DNAAF9: variants seen among roughly 807,000 people sequenced by gnomAD.
DNAAF9 encodes the protein dynein axonemal assembly factor 9.
DNAAF9 carries 90 observed loss-of-function variants against 167.0 expected under a neutral mutation model. The observed-to-expected ratio is 0.54, with a 90% CI of 0.45 to 0.64. The LOEUF (loss-of-function observed/expected upper bound fraction) is 0.64. Among genes scored for constraint, DNAAF9 ranks in the 30% least tolerant of loss-of-function variants. The probability of loss-of-function intolerance (pLI) is 0.00; values close to 1 mark genes in which losing one functional copy is unlikely to be tolerated. For missense variants in DNAAF9, 1,315 were observed against 1,442.2 expected (o/e 0.91, Z 1.43); for synonymous variants, 491 against 508.8 (o/e 0.96, Z 0.47).
intron 1 of DNAAF9, among the ~76,000 whole-genome samples, chr20:3,403,135 TC>T (rs2084012050): frequency 6.6e-6 from 1 of 152,070 alleles, no homozygotes; most frequent in Non-Finnish European, 1.5e-5. Context: ...TTCCCCCACT[TC>T]CAATGGTGGT....
chr20:3,332,165 C>A, intron 11 of DNAAF9, 115 bp downstream of exon 11: 1 of 631,504 alleles, frequency 1.6e-6, no homozygotes. Flanking sequence ...TGGAGGCCCA[C>A]AAATTGGGTA....
At chr20:3,389,014 GCT>G (rs1251827076) in intron 1 of DNAAF9, among the ~76,000 whole-genome samples, 40 of 152,240 alleles carry the variant, frequency 2.6e-4, no homozygotes, top group African/African-American at 9.6e-4. Context: ...TGTTGCCTAG[GCT>G]GGAGTGCAAT....
intron 6 of DNAAF9, among the ~76,000 whole-genome samples, chr20:3,370,730 A>T (rs528669093): frequency 1.4e-4 from 21 of 152,040 alleles, no homozygotes; most frequent in African/African-American, 3.9e-4. Context: ...TTTTTTTAAA[A>T]TTTTTTTGTT....
intron 10 of DNAAF9, among the ~76,000 whole-genome samples, chr20:3,333,062 T>C (rs1250279155): frequency 6.6e-6 from 1 of 152,124 alleles, no homozygotes; most frequent in Non-Finnish European, 1.5e-5. Flanking sequence ...TCATTAATAC[T>C]TAGTCCAGAG....
In DNAAF9 at chr20:3,259,997, A is replaced by G. The variant is rs763098856; in HGVS notation, c.2905T>C (p.Tyr969His). ...ACGCAGATCTGAACCATTAGGGGAT[A>G]GACTGATCCAGCATTCAATTTACCT... ...YEGKLNAGSV[Y>H]PLMVQICVWF... The change falls in exon 32 of 37, where the codon TAT becomes CAT. Residue 969 changes from tyrosine (Y) to histidine (H), a missense_variant. This residue lies in a region of DNAAF9 where 334 missense variants were observed against 429.7 expected (regional missense o/e 0.78). Coordinates refer to ENST00000252032, the MANE Select transcript of DNAAF9 (RefSeq NM_001009984.3). The G allele has an allele frequency of 3.1e-6, 5 of 1,611,702 alleles. No individual in the cohort carries two copies. The African/African-American group carries it at 4.0e-5, about 13-fold the overall frequency.
chr20:3,294,593 G>A lies in DNAAF9; in HGVS notation c.2055C>T (p.Ser685=), dbSNP rs2281504. ...AACTCCGTTTCTCCCCAGCAGGCTG[G>A]CTCAGGGCACTGAAGAGCTTCTGTG... ...SSAQKLFSAL[S]QPAGEKRSSL... is the part of the protein sequence containing the mutation. The change falls in exon 24 of 37, where the codon AGC becomes AGT. Residue 685 remains serine (S), a synonymous_variant. Coordinates refer to ENST00000252032, the MANE Select transcript of DNAAF9 (RefSeq NM_001009984.3). 0.015 allele frequency: 23,624 copies of A among 1,613,434 alleles called. 1,331 individuals carry two copies. In the East Asian group the frequency reaches 0.16, roughly 11 times the overall value.
In DNAAF9 at chr20:3,293,109, C is replaced by T. The variant is rs578244817; in HGVS notation, c.2238+1030G>A. Among the ~76,000 whole-genome samples, 533 of 150,140 alleles carry T rather than the reference C, an allele frequency of 3.6e-3. 5 individuals are homozygous for T. Among genetic ancestry groups the T allele is most frequent in the African/African-American group, 0.012 (494 of 40,930 alleles). ...AAAAAAAAGACCATCCTGGCTAACA[C>T]GGTGAAACCCCGTCTCTACTAAAAA... On this transcript the variant is annotated intron_variant, in intron 25 of 36. Coordinates refer to ENST00000252032, the MANE Select transcript of DNAAF9 (RefSeq NM_001009984.3).
At chr20:3,309,038 G>T (rs1233712315) in intron 20 of DNAAF9, among the ~76,000 whole-genome samples, 1 of 152,084 alleles carries the variant, frequency 6.6e-6, no homozygotes, top group East Asian at 1.9e-4. Context: ...CTGGAATTTT[G>T]GAGAGGACAC....
intron 6 of DNAAF9, among the ~76,000 whole-genome samples, chr20:3,360,344 C>T (rs1280271305): frequency 6.6e-6 from 1 of 152,090 alleles, no homozygotes; most frequent in Non-Finnish European, 1.5e-5. Context: ...CTCAAACTCT[C>T]GGACTCAAGT....
chr20:3,285,627 C>T (rs73608137), intron 27 of DNAAF9, among the ~76,000 whole-genome samples: 7 of 140,132 alleles, frequency 5.0e-5, no homozygotes, highest in East Asian at 4.3e-4. Context: ...TGCAGTGAGC[C>T]GAGATTGCAC....
At chr20:3,387,883 G>GA (rs2083769145) in intron 1 of DNAAF9, among the ~76,000 whole-genome samples, 1 of 21,850 alleles carries the variant, frequency 4.6e-5, no homozygotes, top group Non-Finnish European at 7.7e-5. Flanking sequence ...TCTACAAAAA[G>GA]TAAAAAAAAA....
At chr20:3,296,087 A>C (rs1301861981) in intron 23 of DNAAF9, 2 of 719,370 alleles carry the variant, frequency 2.8e-6, no homozygotes, top group East Asian at 5.8e-5. Context: ...AGAACAGTGA[A>C]GCTTGTTTGG....
At chr20:3,338,417 A>T (rs1467697138) in intron 10 of DNAAF9, among the ~76,000 whole-genome samples, 2 of 151,766 alleles carry the variant, frequency 1.3e-5, no homozygotes, top group Non-Finnish European at 2.9e-5. Flanking sequence ...TTTGTCTTTG[A>T]TCTTCTGAAG....
intron 26 of DNAAF9, among the ~76,000 whole-genome samples, chr20:3,289,297 A>G (rs531485102): frequency 6.6e-6 from 1 of 150,634 alleles, no homozygotes; most frequent in African/African-American, 2.4e-5. Context: ...TTAAAAAATT[A>G]GTTAGGTGTG....
At chr20:3,311,615 A>G (rs929175981) in intron 20 of DNAAF9, among the ~76,000 whole-genome samples, 7 of 152,230 alleles carry the variant, frequency 4.6e-5, no homozygotes, top group African/African-American at 1.7e-4. Flanking sequence ...ACAAAGGAAT[A>G]CTATAGGGCC....
intron 10 of DNAAF9, among the ~76,000 whole-genome samples, chr20:3,333,052 T>C (rs529562702): frequency 2.4e-3 from 364 of 152,204 alleles, no homozygotes; most frequent in Non-Finnish European, 3.9e-3. Context: ...GTTTTGACTG[T>C]CATTAATACT....
At position 3,251,467 on chromosome 20, in the gene DNAAF9, G is replaced by C. The variant is rs2068193684; in HGVS notation, c.*1105C>G. 6.6e-6 allele frequency: 1 copy of C among 152,162 alleles called. No homozygotes were observed. The highest frequency in any genetic ancestry group is 2.4e-5 in the African/African-American group (1 of 41,434). The allele number at this position is 152,162 out of a possible 1,614,324, so 9.4% of individuals were successfully genotyped here. ...CCTGTCCCCCACACCAATTATGAAG[G>C]TCAGGCATGGGACACACTTGTAATT... On this transcript the variant is annotated 3_prime_UTR_variant, in exon 37 of 37. Coordinates refer to ENST00000252032, the MANE Select transcript of DNAAF9 (RefSeq NM_001009984.3).
chr20:3,382,601 G>A (rs2083672846), intron 1 of DNAAF9, 95 bp from the exon 2 acceptor site: 2 of 916,366 alleles, frequency 2.2e-6, no homozygotes, highest in Non-Finnish European at 3.6e-6. Context: ...TGAGGAAGAG[G>A]AATGACTTTG....
At position 3,407,584 on chromosome 20, in the gene DNAAF9, G is replaced by C. The variant is rs1477200432; in HGVS notation, c.-27C>G. The C allele has an allele frequency of 2.4e-6, 3 of 1,229,168 alleles. No individual in the cohort carries two copies. The highest frequency in any genetic ancestry group is 3.0e-6 in the Non-Finnish European group (3 of 986,092). The allele number at this position is 1,229,168 out of a possible 1,614,324, so 76.1% of individuals were successfully genotyped here. A position where few individuals can be genotyped will look rare whatever the true frequency, so the allele number is the denominator to read the frequency against. On this transcript the variant is annotated 5_prime_UTR_variant, in exon 1 of 37. Coordinates refer to ENST00000252032, the MANE Select transcript of DNAAF9 (RefSeq NM_001009984.3). ...GCGGCGGACGACTGGCGGCGGAGGA[G>C]GACGGTGCAGCTGCGAGGGTCTCAG...
Sources: allele counts gnomAD v4.1 joint callset (sites outside exome capture counted in the v4.1 genomes callset), GRCh38; gene constraint gnomAD v4.1.1; regional missense constraint gnomAD v4.1.1; transcripts MANE v1.5; gene names NCBI Gene and HGNC (gene_info 2026-07-23, HGNC 2026-07-21).